NKAIN2: variants seen among roughly 807,000 people sequenced by gnomAD.
NKAIN2 encodes sodium/potassium transporting ATPase interacting 2, also known as sodium/potassium-transporting ATPase subunit beta-1-interacting protein 2.
In NKAIN2, 14 loss-of-function variants were observed where a neutral mutation model predicts 32.6. That is an observed-to-expected ratio of 0.43 (90% CI 0.28 to 0.67). The LOEUF is 0.67. Ranked by LOEUF, NKAIN2 falls within the 30% of genes least tolerant of loss-of-function variation. NKAIN2 has a pLI of 0.17. For synonymous variants in NKAIN2, 80 were observed against 87.2 expected (o/e 0.92, Z 0.46); for missense variants, 198 against 258.3 (o/e 0.77, Z 1.60).
chr6:124,531,407 T>C (rs1190686156), intron 3 of NKAIN2, among the ~76,000 whole-genome samples: 1 of 152,184 alleles, frequency 6.6e-6, no homozygotes, highest in Non-Finnish European at 1.5e-5. Context: ...TACTTGATCA[T>C]AGTGAATAAT....
At chr6:124,328,790 A>C (rs1797528709) in intron 2 of NKAIN2, among the ~76,000 whole-genome samples, 1 of 152,216 alleles carries the variant, frequency 6.6e-6, no homozygotes, top group African/African-American at 2.4e-5. Context: ...GGGACATGCC[A>C]TTGAATGAAG....
chr6:124,492,907 C>A (rs945699043), intron 3 of NKAIN2, among the ~76,000 whole-genome samples: 1 of 151,830 alleles, frequency 6.6e-6, no homozygotes, highest in Non-Finnish European at 1.5e-5. Flanking sequence ...AAACAGCACA[C>A]CATGGTAGTC....
intron 1 of NKAIN2, among the ~76,000 whole-genome samples, chr6:123,926,367 C>T (rs994100040): frequency 6.6e-6 from 1 of 152,072 alleles, no homozygotes. Flanking sequence ...CTTTAAGTAC[C>T]CTGTCTTAAA....
chr6:124,802,145 A>G (rs1780289281), intron 5 of NKAIN2, among the ~76,000 whole-genome samples: 1 of 152,202 alleles, frequency 6.6e-6, no homozygotes, highest in African/African-American at 2.4e-5. Context: ...CAAAGATTAC[A>G]AGGTAAAGAA....
chr6:124,145,188 T>C (rs1021324312), intron 1 of NKAIN2, among the ~76,000 whole-genome samples: 4 of 152,122 alleles, frequency 2.6e-5, no homozygotes, highest in African/African-American at 9.7e-5. Flanking sequence ...AAATGAAAAA[T>C]GTTAGACAAA....
chr6:124,765,114 T>A (rs1025221166), intron 4 of NKAIN2, among the ~76,000 whole-genome samples: 2 of 152,242 alleles, frequency 1.3e-5, no homozygotes, highest in African/African-American at 4.8e-5. Context: ...GTGCTAACTC[T>A]AATCATTATT....
chr6:124,217,716 T>G (rs573942929), intron 1 of NKAIN2, among the ~76,000 whole-genome samples: 1 of 152,252 alleles, frequency 6.6e-6, no homozygotes, highest in African/African-American at 2.4e-5. Flanking sequence ...TTCCATTTTG[T>G]CACATATTAC....
At chr6:123,878,968 CA>C (rs1287526878) in intron 1 of NKAIN2, among the ~76,000 whole-genome samples, 3 of 152,218 alleles carry the variant, frequency 2.0e-5, no homozygotes, top group African/African-American at 7.2e-5. Flanking sequence ...CTACATTCTG[CA>C]CTCTGCCTTT....
At chr6:124,010,535 A>G (rs1780275693) in intron 1 of NKAIN2, among the ~76,000 whole-genome samples, 1 of 150,620 alleles carries the variant, frequency 6.6e-6, no homozygotes, top group Non-Finnish European at 1.5e-5. Context: ...CTTTAGAGTC[A>G]TATTTATGCC....
intron 1 of NKAIN2, among the ~76,000 whole-genome samples, chr6:123,862,559 G>T (rs1775825053): frequency 6.6e-6 from 1 of 151,996 alleles, no homozygotes; most frequent in Admixed American, 6.6e-5. Context: ...AGCATCCCCG[G>T]CCAACTACAG....
chr6:124,739,238 C>T (rs1197305899), intron 4 of NKAIN2, among the ~76,000 whole-genome samples: 3 of 151,730 alleles, frequency 2.0e-5, no homozygotes, highest in African/African-American at 7.3e-5. Flanking sequence ...AAGGTTAGGC[C>T]ACATTTGTTT....
intron 4 of NKAIN2, among the ~76,000 whole-genome samples, chr6:124,707,868 G>A (rs1479405492): frequency 6.6e-6 from 1 of 152,186 alleles, no homozygotes. Context: ...TGTGAATTTT[G>A]TCTTTTGTTG....
At chr6:123,966,739 A>G (rs1778098137) in intron 1 of NKAIN2, among the ~76,000 whole-genome samples, 1 of 152,180 alleles carries the variant, frequency 6.6e-6, no homozygotes, top group African/African-American at 2.4e-5. Context: ...CAAGATTATC[A>G]TCTTTAAAAT....
chr6:124,684,686 C>T (rs1421168237), intron 4 of NKAIN2, among the ~76,000 whole-genome samples: 1 of 152,136 alleles, frequency 6.6e-6, no homozygotes, highest in Admixed American at 6.5e-5. Flanking sequence ...AGAGTCTTTA[C>T]ACAATGTTTG....
intron 3 of NKAIN2, among the ~76,000 whole-genome samples, chr6:124,579,981 A>C (rs13209312): frequency 6.6e-6 from 1 of 152,288 alleles, no homozygotes; most frequent in African/African-American, 2.4e-5. Context: ...TAATATATTC[A>C]GCAAAAAATA....
At chr6:124,135,706 C>T (rs535813956) in intron 1 of NKAIN2, among the ~76,000 whole-genome samples, 2 of 151,432 alleles carry the variant, frequency 1.3e-5, no homozygotes, top group Non-Finnish European at 2.9e-5. Flanking sequence ...GGAATAAAAC[C>T]GTAAATTAAC....
intron 3 of NKAIN2, among the ~76,000 whole-genome samples, chr6:124,509,324 GT>G (rs1245914429): frequency 6.6e-6 from 1 of 152,180 alleles, no homozygotes; most frequent in Admixed American, 6.5e-5. Flanking sequence ...ACTCTGCAAA[GT>G]TTATGATCCT....
At chr6:124,160,936 G>A (rs1024261361) in intron 1 of NKAIN2, among the ~76,000 whole-genome samples, 8 of 152,084 alleles carry the variant, frequency 5.3e-5, no homozygotes, top group African/African-American at 1.7e-4. Context: ...AAGTTGCTCA[G>A]TGATGCCTTC....
At chr6:124,622,755 C>T (rs1783156282) in intron 3 of NKAIN2, among the ~76,000 whole-genome samples, 1 of 152,186 alleles carries the variant, frequency 6.6e-6, no homozygotes, top group African/African-American at 2.4e-5. Flanking sequence ...AGCAGCCAAA[C>T]TCCTCTCCGA....
Sources: allele counts gnomAD v4.1 joint callset (sites outside exome capture counted in the v4.1 genomes callset), GRCh38; gene constraint gnomAD v4.1.1; transcripts MANE v1.5; gene names NCBI Gene and HGNC (gene_info 2026-07-23, HGNC 2026-07-21).